The following PTGER3 variants were observed in gnomAD, a reference collection of about 807,000 sequenced individuals.
The protein encoded by PTGER3 is prostaglandin E receptor 3.
A neutral mutation model predicts 34.7 loss-of-function variants in PTGER3; 22 were observed. The observed-to-expected ratio is 0.63, with a 90% confidence interval of 0.45 to 0.91. PTGER3 has a LOEUF of 0.91. Ranked by LOEUF, PTGER3 falls within the 40% of genes least tolerant of loss-of-function variation. The pLI, the probability that PTGER3 is intolerant of heterozygous loss-of-function variation, is 0.00. For missense variants in PTGER3, 468 were observed against 519.4 expected, an observed-to-expected ratio of 0.90 and a Z score of 0.96; for synonymous variants, 241 against 230.1, an observed-to-expected ratio of 1.05 and a Z score of -0.43.
intron 4 of PTGER3, among the ~76,000 whole-genome samples, chr1:70,861,701 CAAAA>C (rs35895358): frequency 7.1e-6 from 1 of 141,198 alleles, no homozygotes; most frequent in Non-Finnish European, 1.5e-5. Context: ...GTTCCATTAG[CAAAA>C]AAAAAAACAA....
intron 1 of PTGER3, among the ~76,000 whole-genome samples, chr1:71,021,133 T>C (rs1052021686): frequency 7.2e-5 from 11 of 152,162 alleles, no homozygotes; most frequent in African/African-American, 2.7e-4. Flanking sequence ...TTGAATTTCT[T>C]GCTAATAAAG....
intron 2 of PTGER3, chr1:71,008,572 T>A: frequency 1.0e-6 from 1 of 981,246 alleles, no homozygotes; most frequent in Non-Finnish European, 1.2e-6. Context: ...AGGTTGGTTA[T>A]TAAATTTTGT....
At chr1:70,879,398 C>A (rs116610826) in intron 4 of PTGER3, among the ~76,000 whole-genome samples, 21,801 of 152,034 alleles carry the variant, frequency 0.14, 2,171 homozygotes, top group Non-Finnish European at 0.21. Context: ...AAGTGTGAGC[C>A]ACAGCATCTG....
Position 70,858,000 on chromosome 1 carries a change from TTAC to T in PTGER3, c.*24-5144_*24-5142del, listed in dbSNP as rs1645846301. 1.2e-4 allele frequency among the ~76,000 whole-genome samples: 18 copies of T among 152,294 alleles called. No homozygotes were observed. The South Asian group carries it at 3.7e-3, about 32-fold the overall frequency. On this transcript the variant is annotated intron_variant, in intron 4 of 4. Transcript: ENST00000370931. Reference sequence around the variant, plus strand: ...CTTTATTAAACAAAATTTTATATTTTTACTACAATATGCTTACAGAAAAGATAG... The same window carrying T: ...CTTTATTAAACAAAATTTTATATTTTTACAATATGCTTACAGAAAAGATAG...
intron 2 of PTGER3, among the ~76,000 whole-genome samples, chr1:70,991,072 G>A (rs1216190543): frequency 6.6e-6 from 1 of 152,016 alleles, no homozygotes; most frequent in African/African-American, 2.4e-5. Flanking sequence ...AATAATAAAA[G>A]TCACCTAACC....
At chr1:71,025,492 G>A (rs2100922723) in intron 1 of PTGER3, among the ~76,000 whole-genome samples, 1 of 152,050 alleles carries the variant, frequency 6.6e-6, no homozygotes, top group Admixed American at 6.6e-5. Flanking sequence ...TCTTTAATGA[G>A]GATATCATCA....
chr1:70,975,506 GT>G (rs912697425), intron 2 of PTGER3, among the ~76,000 whole-genome samples: 75 of 151,484 alleles, frequency 5.0e-4, no homozygotes, highest in African/African-American at 1.5e-3. Context: ...GCTTTCTAAA[GT>G]TTTTTTTTCC....
At chr1:71,004,757 A>C (rs1170040124) in intron 2 of PTGER3, among the ~76,000 whole-genome samples, 1 of 152,222 alleles carries the variant, frequency 6.6e-6, no homozygotes, top group Non-Finnish European at 1.5e-5. Context: ...CTTTCTAAGA[A>C]ATTGTGCCTA....
At chr1:70,916,428 C>T (rs539008715) in intron 4 of PTGER3, among the ~76,000 whole-genome samples, 1 of 152,084 alleles carries the variant, frequency 6.6e-6, no homozygotes, top group Non-Finnish European at 1.5e-5. Context: ...GACATATGCA[C>T]TCATATGTTC....
At chr1:70,932,006 G>A (rs943880254) in intron 4 of PTGER3, among the ~76,000 whole-genome samples, 2 of 152,242 alleles carry the variant, frequency 1.3e-5, no homozygotes, top group African/African-American at 4.8e-5. Flanking sequence ...AAAACAGAAT[G>A]CTTTAAACAG....
chr1:70,928,699 G>A (rs924782513), intron 4 of PTGER3, among the ~76,000 whole-genome samples: 1 of 151,968 alleles, frequency 6.6e-6, no homozygotes, highest in African/African-American at 2.4e-5. Context: ...AAAAGGAATT[G>A]GAAACCGGAG....
intron 4 of PTGER3, among the ~76,000 whole-genome samples, chr1:70,912,150 T>A (rs1173919568): frequency 7.8e-6 from 1 of 128,828 alleles, no homozygotes; most frequent in East Asian, 2.2e-4. Context: ...GATAACATCA[T>A]TACAAAATGT....
intron 4 of PTGER3, among the ~76,000 whole-genome samples, chr1:70,901,173 A>T (rs1646830493): frequency 6.6e-6 from 1 of 152,172 alleles, no homozygotes; most frequent in South Asian, 2.1e-4. Context: ...ACACTGTTGT[A>T]TGTGGACTAA....
intron 2 of PTGER3, among the ~76,000 whole-genome samples, chr1:71,003,377 G>C (rs1204507031): frequency 6.6e-6 from 1 of 152,138 alleles, no homozygotes; most frequent in Non-Finnish European, 1.5e-5. Flanking sequence ...TTGTGTATAG[G>C]AGATTACATT....
At chr1:71,010,830 G>T (rs964276584) in intron 2 of PTGER3, 1 of 984,506 alleles carries the variant, frequency 1.0e-6, no homozygotes, top group African/African-American at 1.7e-5. Flanking sequence ...GACATAGGCT[G>T]GTGTATATAT....
At chr1:70,952,181 T>G (rs1357708901), downstream of PTGER3, among the ~76,000 whole-genome samples, 1 of 152,092 alleles carries the variant, frequency 6.6e-6, no homozygotes, top group Non-Finnish European at 1.5e-5. Flanking sequence ...AAATGAATAG[T>G]AGAAGATATA....
chr1:70,937,730 A>C (rs886733998), intron 4 of PTGER3, among the ~76,000 whole-genome samples: 1 of 152,174 alleles, frequency 6.6e-6, no homozygotes, highest in African/African-American at 2.4e-5. Flanking sequence ...CTGTTTCTTT[A>C]TCATCTTACA....
chr1:70,954,335 C>T (rs1005123407), intron 2 of PTGER3, among the ~76,000 whole-genome samples: 10 of 152,050 alleles, frequency 6.6e-5, no homozygotes, highest in Admixed American at 2.0e-4. Flanking sequence ...TTATAAAAGA[C>T]TTTTATGAGG....
At chr1:71,008,620 C>G (rs1271138987) in intron 2 of PTGER3, 1 of 984,736 alleles carries the variant, frequency 1.0e-6, no homozygotes, top group African/African-American at 1.7e-5. Flanking sequence ...TGAAACATCA[C>G]AGACATCTGT....
Sources: allele counts gnomAD v4.1 joint callset (sites outside exome capture counted in the v4.1 genomes callset), GRCh38; gene constraint gnomAD v4.1.1; transcripts MANE v1.5; gene names NCBI Gene and HGNC (gene_info 2026-07-23, HGNC 2026-07-21).